KATNIP: variants seen among roughly 807,000 people sequenced by gnomAD.
The protein encoded by KATNIP is katanin-interacting protein.
Under a neutral mutation model 174.0 loss-of-function variants are expected in KATNIP, and 126 were observed. The ratio of observed to expected loss-of-function variants is 0.72; its 90% confidence interval spans 0.63 to 0.84. KATNIP has a LOEUF of 0.84. Ranked by LOEUF, KATNIP falls within the 40% of genes least tolerant of loss-of-function variation. The pLI, the probability that KATNIP is intolerant of heterozygous loss-of-function variation, is 0.00. For synonymous variants in KATNIP, 810 were observed against 835.7 expected (o/e 0.97, Z 0.53); for missense variants, 1,958 against 2,109.7 (o/e 0.93, Z 1.41).
chr16:27,577,550 G>A (rs2090543197), intron 2 of KATNIP, among the ~76,000 whole-genome samples: 1 of 151,472 alleles, frequency 6.6e-6, no homozygotes, highest in Non-Finnish European at 1.5e-5. Context: ...AAATTAGCCG[G>A]ACGTGGTGGC....
chr16:27,717,512 A>G (rs1442082247), intron 13 of KATNIP, among the ~76,000 whole-genome samples: 1 of 151,374 alleles, frequency 6.6e-6, no homozygotes, highest in Non-Finnish European at 1.5e-5. Flanking sequence ...TTTTTCTTGG[A>G]AACATTACCT....
chr16:27,699,383 G>A (rs572004767), intron 9 of KATNIP, 151 bp from the exon 10 acceptor site: 2 of 1,375,340 alleles, frequency 1.5e-6, no homozygotes, highest in East Asian at 2.6e-5. Context: ...ACTATTGTCT[G>A]TGTTCCCAGA....
At chr16:27,632,854 G>A (rs1186745149) in intron 5 of KATNIP, among the ~76,000 whole-genome samples, 1 of 151,936 alleles carries the variant, frequency 6.6e-6, no homozygotes, top group African/African-American at 2.4e-5. Flanking sequence ...GGTTTCAAGC[G>A]ATTTTCCTGC....
chr16:27,654,824 G>T, intron 6 of KATNIP: 1 of 1,229,044 alleles, frequency 8.1e-7, no homozygotes, highest in East Asian at 4.7e-5. Flanking sequence ...GATGGACTCC[G>T]TGAGAGAGTC....
At chr16:27,660,420 A>G (rs1454263733) in intron 6 of KATNIP, among the ~76,000 whole-genome samples, 1 of 152,116 alleles carries the variant, frequency 6.6e-6, no homozygotes, top group African/African-American at 2.4e-5. Flanking sequence ...ATGGTGGCGC[A>G]TGCCTGTAAT....
intron 1 of KATNIP, among the ~76,000 whole-genome samples, chr16:27,552,692 T>A (rs1340952420): frequency 6.9e-6 from 1 of 143,956 alleles, no homozygotes; most frequent in Non-Finnish European, 1.5e-5. Flanking sequence ...GGCAGTTTTT[T>A]TTTTTTTTTT....
chr16:27,623,417 CATT>C (rs1395677591), intron 3 of KATNIP, among the ~76,000 whole-genome samples: 1 of 152,174 alleles, frequency 6.6e-6, no homozygotes, highest in Non-Finnish European at 1.5e-5. Context: ...TATTCATCAT[CATT>C]ATCATCATCA....
intron 19 of KATNIP, 94 bp from the exon 20 acceptor site, chr16:27,766,215 G>A: frequency 7.4e-7 from 1 of 1,352,950 alleles, no homozygotes; most frequent in Non-Finnish European, 1.0e-6. Flanking sequence ...CAGGCAGTGG[G>A]GACGTACTTG....
At chr16:27,668,911 T>C (rs1254649512) in intron 6 of KATNIP, among the ~76,000 whole-genome samples, 1 of 152,070 alleles carries the variant, frequency 6.6e-6, no homozygotes, top group Non-Finnish European at 1.5e-5. Flanking sequence ...GAGGCTAAGG[T>C]GGGAGGATCA....
rs748210388 is a variant in KATNIP at position 27,773,195 on chromosome 16, C to G, written c.4295C>G (p.Pro1432Arg). Residue 1432 changes from proline to arginine, a missense_variant, in exon 23 of 28, where the codon CCC (proline) becomes CGC (arginine). Around this residue, in one of 3 missense-constraint regions of KATNIP, gnomAD observed 383 missense variants for 456.0 expected, o/e 0.84. Coordinates refer to ENST00000261588, the MANE Select transcript of KATNIP (RefSeq NM_015202.5). ...ELYDERGEKI[P>R]LSENNIAAFP... ...TATGACGAGCGAGGAGAAAAAATCC[C>G]CTTGTCGGAAAACAGTATCCTTTGT... is the stretch of plus-strand genomic sequence containing the variant. 15 of 1,608,396 alleles carry G rather than the reference C, an allele frequency of 9.3e-6. No individual in the cohort carries two copies. The highest frequency in any genetic ancestry group is 3.3e-4 in the Middle Eastern group (2 of 6,040).
chr16:27,618,292 G>C, intron 2 of KATNIP, 133 bp from the exon 3 acceptor site: 1 of 668,150 alleles, frequency 1.5e-6, no homozygotes, highest in South Asian at 1.7e-5. Flanking sequence ...GGAGCAATGC[G>C]CCTGGGGTGT....
chr16:27,731,445 T>C (rs1016111626), intron 14 of KATNIP, among the ~76,000 whole-genome samples: 2 of 152,144 alleles, frequency 1.3e-5, no homozygotes, highest in African/African-American at 4.8e-5. Flanking sequence ...TTAAAGCACT[T>C]TACATAAATC....
Position 27,648,686 on chromosome 16 carries a change from G to C in KATNIP, c.491G>C (p.Cys164Ser). The change falls in exon 6 of 28, where the codon TGT becomes TCT. Residue 164 changes from cysteine to serine, a missense_variant. Around this residue, in one of 3 missense-constraint regions of KATNIP, gnomAD observed 1,557 missense variants for 1,617.8 expected, o/e 0.96. Transcript: ENST00000261588. ...PVDYSDDFEL[C>S]GDVTLQANNT... ...GACTATTCTGATGATTTTGAGCTGTGTGGGGATGTGACTCTCCAGGCAAAC... is the reference window on the plus strand; with the variant it reads ...GACTATTCTGATGATTTTGAGCTGTCTGGGGATGTGACTCTCCAGGCAAAC... 1 of 1,614,230 alleles carries C rather than the reference G, an allele frequency of 6.2e-7. No homozygotes were observed. Among genetic ancestry groups the C allele is most frequent in the Non-Finnish European group, 8.5e-7 (1 of 1,180,032 alleles).
At chr16:27,588,425 C>G (rs372106546) in intron 2 of KATNIP, among the ~76,000 whole-genome samples, 1 of 152,012 alleles carries the variant, frequency 6.6e-6, no homozygotes, top group African/African-American at 2.4e-5. Context: ...CACATGTCCC[C>G]TCCCAGTTAA....
Position 27,637,954 on chromosome 16 carries a change from C to T in KATNIP, c.408+6792C>T, listed in dbSNP as rs368935468. Among the ~76,000 whole-genome samples, 32 of 152,336 alleles carry T rather than the reference C, an allele frequency of 2.1e-4. No individual in the cohort carries two copies. The highest frequency in any genetic ancestry group is 3.9e-4 in the East Asian group (2 of 5,176). On this transcript the variant is annotated intron_variant, in intron 5 of 27. Coordinates refer to ENST00000261588, the MANE Select transcript of KATNIP (RefSeq NM_015202.5). This position sits in a 1 kb window ranked among gnomAD's most constrained non-coding sequence, Gnocchi z 4.7. The stretch of plus-strand genomic sequence containing the variant: ...CTCTCCACCAACCTTCCCCAGCCCC[C>T]GTCCTTGCACTTCTGTTCCCTGTCC...
intron 2 of KATNIP, among the ~76,000 whole-genome samples, chr16:27,606,948 G>A (rs1347519857): frequency 6.6e-6 from 1 of 152,126 alleles, no homozygotes; most frequent in Non-Finnish European, 1.5e-5. Flanking sequence ...TCCTTCCTTT[G>A]TGTGTGAAGA....
rs1435558473 is a variant in KATNIP, at chr16:27,631,119, C to T, written c.365C>T (p.Ser122Leu). 6.3e-7 allele frequency: 1 copy of T among 1,577,904 alleles called. No individual in the cohort carries two copies. The highest frequency in any genetic ancestry group is 8.6e-7 in the Non-Finnish European group (1 of 1,160,648). Reference sequence around the variant, plus strand: ...GCTGAAGAAGCCTTAAGACGCAGTTCACGGACAGCCCCCAGTAAAGTCCAG... The same window carrying T: ...GCTGAAGAAGCCTTAAGACGCAGTTTACGGACAGCCCCCAGTAAAGTCCAG... ...REAEEALRRSSRTAPSKVQRR... is the reference protein window; with the variant it reads ...REAEEALRRSLRTAPSKVQRR... Residue 122 changes from serine (S) to leucine (L), a missense_variant, in exon 5 of 28, where the codon TCA (serine) becomes TTA (leucine). By Grantham distance (145) the Ser-to-Leu change is moderately radical. This residue lies in a region of KATNIP where 1,557 missense variants were observed against 1,617.8 expected (regional missense o/e 0.96). Transcript: ENST00000261588.
rs369116796 is a variant in KATNIP at position 27,776,994 on chromosome 16, G to A, written c.4516G>A (p.Ala1506Thr). The change falls in exon 25 of 28, where the codon GCG (alanine) becomes ACG (threonine). Residue 1506 changes from alanine (A) to threonine (T), a missense_variant. Coordinates refer to ENST00000261588, the MANE Select transcript of KATNIP (RefSeq NM_015202.5). This position sits in a 1 kb window ranked among gnomAD's most constrained non-coding sequence, Gnocchi z 4.7. Reference sequence around the variant, plus strand: ...GTCAATGATCAAACTGTGGAATTATGCGAAAACACCCCATCGAGGGGTGAA... The same window carrying A: ...GTCAATGATCAAACTGTGGAATTATACGAAAACACCCCATCGAGGGGTGAA... ...TVSMIKLWNY[A>T]KTPHRGVKEF... The A allele has an allele frequency of 2.3e-5, 37 of 1,613,720 alleles. No individual in the cohort carries two copies. The highest frequency in any genetic ancestry group is 3.1e-5 in the Non-Finnish European group (36 of 1,179,692).
rs762474016 is a variant in KATNIP at position 27,751,883 on chromosome 16, G to A, written c.3511G>A (p.Glu1171Lys). The A allele has an allele frequency of 1.2e-6, 2 of 1,613,150 alleles. No individual in the cohort carries two copies. The highest frequency in any genetic ancestry group is 1.1e-5 in the South Asian group (1 of 91,040). ...RPSTADGEGD[E>K]RPFTQAGLGA... Reference sequence around the variant, plus strand: ...CAGCACGGCCGACGGCGAGGGGGATGAGCGGCCCTTCACCCAGGCTGGCTT... The same window carrying A: ...CAGCACGGCCGACGGCGAGGGGGATAAGCGGCCCTTCACCCAGGCTGGCTT... The change falls in exon 17 of 28, where the codon GAG (glutamate) becomes AAG (lysine). Residue 1171 changes from glutamate (E) to lysine (K), a missense_variant. By Grantham distance (56) the Glu-to-Lys change is moderately conservative (BLOSUM62 1). Around this residue, in one of 3 missense-constraint regions of KATNIP, gnomAD observed 1,557 missense variants for 1,617.8 expected, o/e 0.96. Coordinates refer to ENST00000261588, the MANE Select transcript of KATNIP (RefSeq NM_015202.5).
Sources: gnomAD v4.1 joint callset for allele counts (sites outside exome capture counted in the v4.1 genomes callset) on GRCh38, gnomAD v4.1.1 for gene constraint, gnomAD v4.1.1 regional missense constraint, Gnocchi (gnomAD v3.1) non-coding constraint, MANE v1.5 for transcripts, NCBI Gene and HGNC (gene_info 2026-07-23, HGNC 2026-07-21) for gene names.